ARHGAP26: variants seen among roughly 807,000 people sequenced by gnomAD.
ARHGAP26 encodes rho GTPase-activating protein 26.
ARHGAP26 carries 38 observed loss-of-function variants against 104.8 expected under a neutral mutation model. That is an observed-to-expected ratio of 0.36 (90% CI 0.28 to 0.48). The LOEUF is 0.48. ARHGAP26 is among the 20% of genes least tolerant of loss of function. The pLI is 0.99. For synonymous variants in ARHGAP26, 341 were observed against 340.0 expected, an observed-to-expected ratio of 1.00 and a Z score of -0.03; for missense variants, 704 against 947.9, an observed-to-expected ratio of 0.74 and a Z score of 3.38.
chr5:142,789,858 C>G (rs1024850479), intron 1 of ARHGAP26, among the ~76,000 whole-genome samples: 11 of 152,132 alleles, frequency 7.2e-5, no homozygotes, highest in Admixed American at 7.2e-4. Flanking sequence ...CCTTATGTAT[C>G]CAGGACCAGG....
intron 11 of ARHGAP26, among the ~76,000 whole-genome samples, chr5:142,979,475 C>T (rs1362413031): frequency 2.6e-5 from 4 of 152,158 alleles, no homozygotes; most frequent in Non-Finnish European, 5.9e-5. Context: ...GGGACATATT[C>T]CTTTTGACTC....
chr5:142,911,891 C>T (rs1441387051), intron 9 of ARHGAP26, among the ~76,000 whole-genome samples: 2 of 152,238 alleles, frequency 1.3e-5, no homozygotes, highest in Non-Finnish European at 2.9e-5. Context: ...CTTTGCTATT[C>T]AGTGGAAGAC....
At chr5:143,193,000 G>C (rs1045678742) in intron 20 of ARHGAP26, among the ~76,000 whole-genome samples, 3 of 151,868 alleles carry the variant, frequency 2.0e-5, no homozygotes, top group African/African-American at 7.3e-5. Context: ...AGTTACTTAT[G>C]GTCAATGACT....
chr5:142,915,728 A>G (rs1762385847), intron 10 of ARHGAP26: 1 of 152,124 alleles, frequency 6.6e-6, no homozygotes, highest in African/African-American at 2.4e-5. Flanking sequence ...AGTTTTCTAT[A>G]TAGATCCCAA....
At chr5:142,989,739 T>A (rs910305599) in intron 11 of ARHGAP26, among the ~76,000 whole-genome samples, 1 of 152,214 alleles carries the variant, frequency 6.6e-6, no homozygotes, top group Admixed American at 6.5e-5. Context: ...GGATATGAAA[T>A]TCTGGGTTGA....
At chr5:142,940,812 C>G (rs1254799955) in intron 11 of ARHGAP26, among the ~76,000 whole-genome samples, 4 of 152,016 alleles carry the variant, frequency 2.6e-5, no homozygotes, top group Non-Finnish European at 5.9e-5. Flanking sequence ...TGCGGTGGCT[C>G]ATGCCTGTAA....
chr5:143,164,751 T>A (rs1167038373), intron 20 of ARHGAP26, among the ~76,000 whole-genome samples: 1 of 152,202 alleles, frequency 6.6e-6, no homozygotes. Flanking sequence ...CTGATGAAAC[T>A]CAGAGCCAGC....
chr5:143,055,501 C>T (rs1331684508), intron 15 of ARHGAP26, among the ~76,000 whole-genome samples: 1 of 152,198 alleles, frequency 6.6e-6, no homozygotes, highest in Non-Finnish European at 1.5e-5. Context: ...TATGGTTAAA[C>T]ATACTCATAC....
At chr5:143,012,576 T>TATATATGTATATATATATATATATAA (rs1554195628) in intron 11 of ARHGAP26, among the ~76,000 whole-genome samples, 5 of 57,044 alleles carry the variant, frequency 8.8e-5, no homozygotes, top group African/African-American at 2.3e-4. Flanking sequence ...TATATATATA[T>TATATATGTATATATATATATATATAA]TATGATCAGG....
At chr5:142,799,962 C>T (rs1761735165) in intron 1 of ARHGAP26, among the ~76,000 whole-genome samples, 1 of 152,206 alleles carries the variant, frequency 6.6e-6, no homozygotes, top group Non-Finnish European at 1.5e-5. Flanking sequence ...TGCTTATTCA[C>T]ATGCTTGAGT....
At chr5:143,070,331 T>G (rs958481603) in intron 17 of ARHGAP26, among the ~76,000 whole-genome samples, 2 of 152,294 alleles carry the variant, frequency 1.3e-5, no homozygotes, top group African/African-American at 2.4e-5. Flanking sequence ...CTAACCAGAT[T>G]GTTAATGAAG....
intron 19 of ARHGAP26, among the ~76,000 whole-genome samples, chr5:143,136,969 G>A (rs1797982502): frequency 6.6e-6 from 1 of 152,156 alleles, no homozygotes; most frequent in South Asian, 2.1e-4. Context: ...CCAAATGCCA[G>A]TCATGTACAT....
At chr5:143,138,411 G>A (rs1798142170) in intron 19 of ARHGAP26, among the ~76,000 whole-genome samples, 1 of 152,196 alleles carries the variant, frequency 6.6e-6, no homozygotes, top group African/African-American at 2.4e-5. Context: ...AAGCATCGTA[G>A]CAACAAATAC....
At chr5:142,872,282 C>T (rs942586385) in intron 1 of ARHGAP26, among the ~76,000 whole-genome samples, 2 of 152,150 alleles carry the variant, frequency 1.3e-5, no homozygotes, top group Admixed American at 1.3e-4. Context: ...CTGGGAGTCA[C>T]GGATGCTTTT....
intron 1 of ARHGAP26, among the ~76,000 whole-genome samples, chr5:142,872,793 C>T: frequency 6.6e-6 from 1 of 152,192 alleles, no homozygotes; most frequent in Non-Finnish European, 1.5e-5. Flanking sequence ...TGAGCTTTGT[C>T]AGGCTGGTGG....
At chr5:143,053,220 T>G (rs1474619883) in intron 14 of ARHGAP26, among the ~76,000 whole-genome samples, 3 of 152,176 alleles carry the variant, frequency 2.0e-5, no homozygotes, top group Non-Finnish European at 4.4e-5. Flanking sequence ...GCTTAGGTCT[T>G]GGGCCATCCC....
intron 17 of ARHGAP26, among the ~76,000 whole-genome samples, chr5:143,078,601 T>C (rs1466759322): frequency 6.6e-6 from 1 of 152,210 alleles, no homozygotes; most frequent in Non-Finnish European, 1.5e-5. Flanking sequence ...GAGAAAACTT[T>C]TCAGGAATGT....
chr5:143,007,493 A>G (rs1778162192), intron 11 of ARHGAP26, among the ~76,000 whole-genome samples: 1 of 152,188 alleles, frequency 6.6e-6, no homozygotes, highest in South Asian at 2.1e-4. Flanking sequence ...TTGCCATTTT[A>G]ATTACTGCTT....
chr5:143,185,129 T>C (rs924609464), intron 20 of ARHGAP26, among the ~76,000 whole-genome samples: 1 of 152,244 alleles, frequency 6.6e-6, no homozygotes, highest in African/African-American at 2.4e-5. Flanking sequence ...CTGATAACTG[T>C]TTATTAATAT....
Sources: allele counts gnomAD v4.1 joint callset (sites outside exome capture counted in the v4.1 genomes callset), GRCh38; gene constraint gnomAD v4.1.1; transcripts MANE v1.5; gene names NCBI Gene and HGNC (gene_info 2026-07-23, HGNC 2026-07-21).